Variants in ATP1B1 observed in about 807,000 individuals in gnomAD.
ATP1B1 encodes the protein ATPase Na+/K+ transporting subunit beta 1.
In ATP1B1, 3 loss-of-function variants were observed where a neutral mutation model predicts 39.6. The observed-to-expected ratio is 0.08, with a 90% CI of 0.03 to 0.20. The LOEUF (loss-of-function observed/expected upper bound fraction) is 0.20. Among genes scored for constraint, ATP1B1 ranks in the 10% least tolerant of loss-of-function variants. The pLI, the probability that ATP1B1 is intolerant of heterozygous loss-of-function variation, is 1.00. For synonymous variants in ATP1B1, 139 were observed against 135.0 expected, an observed-to-expected ratio of 1.03 and a Z score of -0.20; for missense variants, 216 against 371.1, an observed-to-expected ratio of 0.58 and a Z score of 3.43.
Position 169,106,730 on chromosome 1 carries a change from G to A in ATP1B1, c.-100G>A, listed in dbSNP as rs1190953730. 1.1e-6 allele frequency: 1 copy of A among 943,986 alleles called. No individual in the cohort carries two copies. Among genetic ancestry groups the A allele is most frequent in the Non-Finnish European group, 1.5e-6 (1 of 665,746 alleles). The allele number at this position is 943,986 out of a possible 1,614,324, so 58.5% of individuals were successfully genotyped here. ...GCGGCAGCGGCGCGTCCTGCCTGCA[G>A]AGAGCCAGGCCGGAGAAGCCGAGCG... On this transcript the variant is annotated 5_prime_UTR_variant, in exon 1 of 6. Coordinates refer to ENST00000367815, the MANE Select transcript of ATP1B1 (RefSeq NM_001677.4).
chr1:169,106,969 T>G (rs1300994006), intron 1 of ATP1B1, 43 bp downstream of exon 1: 6 of 1,529,962 alleles, frequency 3.9e-6, no homozygotes, highest in Non-Finnish European at 5.3e-6. Flanking sequence ...CGTCTGATCT[T>G]TCCCGGGCGG....
At chr1:169,117,762 T>C (rs1170526462) in intron 2 of ATP1B1, among the ~76,000 whole-genome samples, 2 of 152,258 alleles carry the variant, frequency 1.3e-5, no homozygotes, top group South Asian at 2.1e-4. Context: ...AGTAATCTGA[T>C]GACCAGCTGG....
rs1658054534 is a variant in ATP1B1, at chr1:169,124,864, T to G, written c.227-20T>G. 3.1e-6 allele frequency: 5 copies of G among 1,607,602 alleles called. No homozygotes were observed. The highest frequency in any genetic ancestry group is 2.7e-5 in the African/African-American group (2 of 74,514). On this transcript the variant is annotated intron_variant, in intron 2 of 5. Transcript: ENST00000367815. The stretch of plus-strand genomic sequence containing the variant: ...TCGTTTCTGCCTTCCTACTAATGTT[T>G]TTCTCTCTGCCTGGTCTAGGATTAA...
chr1:169,106,955 G>T (rs534114378), intron 1 of ATP1B1, 29 bp downstream of exon 1: 7 of 1,551,064 alleles, frequency 4.5e-6, no homozygotes, highest in South Asian at 1.2e-5. Flanking sequence ...GCTCCCGGCC[G>T]CCGCGTCTGA....
Position 169,131,225 on chromosome 1 carries a change from T to G in ATP1B1, c.649-67T>G, listed in dbSNP as rs1658212809. 9 of 1,507,572 alleles carry G rather than the reference T, an allele frequency of 6.0e-6. No homozygotes were observed. The highest frequency in any genetic ancestry group is 3.8e-5 in the Admixed American group (2 of 52,830). 93.4% of individuals were successfully genotyped at this position (1,507,572 alleles called of 1,614,324 possible). On this transcript the variant is annotated intron_variant, in intron 5 of 5. Coordinates refer to ENST00000367815, the MANE Select transcript of ATP1B1 (RefSeq NM_001677.4). The surrounding 1 kb of genome is among the most constrained non-coding windows in gnomAD (Gnocchi z 4.4). Reference sequence around the variant, plus strand: ...GCAAACTACTGTGTAGATTGAGTCTTGTTTTTGAGTACACATAGTGATGCA... The same window carrying G: ...GCAAACTACTGTGTAGATTGAGTCTGGTTTTTGAGTACACATAGTGATGCA...
chr1:169,110,252 C>G (rs12081155), intron 1 of ATP1B1, among the ~76,000 whole-genome samples: 3,870 of 152,194 alleles, frequency 0.025, 135 homozygotes, highest in African/African-American at 0.084. Context: ...CCCTCCCTGG[C>G]CCCCTCCTAC....
chr1:169,109,766 A>T (rs2900950), intron 1 of ATP1B1, among the ~76,000 whole-genome samples: 30,000 of 140,990 alleles, frequency 0.21, 4,239 homozygotes, highest in African/African-American at 0.42. Flanking sequence ...GAGCACCAAG[A>T]TGAGGTGGGG....
At chr1:169,118,828 A>T (rs1657912429) in intron 2 of ATP1B1, among the ~76,000 whole-genome samples, 1 of 152,234 alleles carries the variant, frequency 6.6e-6, no homozygotes, top group South Asian at 2.1e-4. Flanking sequence ...CTTCTCAGTC[A>T]TATGGGTACC....
chr1:169,130,304 G>A (rs1658181413), intron 5 of ATP1B1, among the ~76,000 whole-genome samples: 1 of 152,182 alleles, frequency 6.6e-6, no homozygotes, highest in African/African-American at 2.4e-5. Flanking sequence ...ACTGATGTCA[G>A]TTTCTCCACT....
At chr1:169,128,508 G>T (rs955689310) in intron 4 of ATP1B1, among the ~76,000 whole-genome samples, 1 of 152,188 alleles carries the variant, frequency 6.6e-6, no homozygotes, top group Non-Finnish European at 1.5e-5. Context: ...TTGCCTGGCT[G>T]GCTAGTTTGA....
Position 169,127,075 on chromosome 1 carries a change from C to A in ATP1B1, c.383-149C>A, listed in dbSNP as rs368561907. On this transcript the variant is annotated intron_variant, in intron 3 of 5. Coordinates refer to ENST00000367815, the MANE Select transcript of ATP1B1 (RefSeq NM_001677.4). The stretch of plus-strand genomic sequence containing the variant: ...AGTGAAGAGGTGAGAGATGGTTTTC[C>A]TGGAGATCTTGCTTAATTCAGATCA... The A allele has an allele frequency of 3.1e-5, 25 of 818,390 alleles. No individual in the cohort carries two copies. In the African/African-American group the frequency reaches 4.2e-4, roughly 14 times the overall value. 50.7% of individuals were successfully genotyped at this position (818,390 alleles called of 1,614,324 possible).
chr1:169,108,677 T>G (rs1657660056), intron 1 of ATP1B1, among the ~76,000 whole-genome samples: 2 of 152,332 alleles, frequency 1.3e-5, no homozygotes, highest in African/African-American at 2.4e-5. Context: ...TAAGCCGACA[T>G]TTAATGGGCA....
intron 3 of ATP1B1, among the ~76,000 whole-genome samples, chr1:169,126,296 T>C (rs1033872501): frequency 4.6e-5 from 7 of 152,138 alleles, no homozygotes; most frequent in African/African-American, 1.4e-4. Context: ...TCTTCGCTAT[T>C]TGAAGGGAAA....
chr1:169,106,950 C>T (rs751470349), intron 1 of ATP1B1, 24 bp downstream of exon 1: 6 of 1,556,980 alleles, frequency 3.9e-6, no homozygotes, highest in Non-Finnish European at 5.2e-6. Context: ...CCGCAGCTCC[C>T]GGCCGCCGCG....
At chr1:169,121,260 A>G (rs1435348440) in intron 2 of ATP1B1, among the ~76,000 whole-genome samples, 1 of 152,158 alleles carries the variant, frequency 6.6e-6, no homozygotes, top group Non-Finnish European at 1.5e-5. Context: ...TTCCTAGATG[A>G]TTAACAACAG....
chr1:169,123,785 C>T (rs1337638908), intron 2 of ATP1B1, among the ~76,000 whole-genome samples: 1 of 151,956 alleles, frequency 6.6e-6, no homozygotes, highest in Non-Finnish European at 1.5e-5. Flanking sequence ...TGTCACCATG[C>T]CTGGCTAATT....
At chr1:169,121,264 A>G (rs924431019) in intron 2 of ATP1B1, among the ~76,000 whole-genome samples, 2 of 152,146 alleles carry the variant, frequency 1.3e-5, no homozygotes, top group African/African-American at 4.8e-5. Context: ...TAGATGATTA[A>G]CAACAGAGGC....
chr1:169,106,788 A>G lies in ATP1B1; in HGVS notation c.-42A>G, dbSNP rs1187072075. ...GGACGCCAGGGCGCGCGCCGCAGCC[A>G]CCCACCCTCCGGACCGCGGCAGCTG... On this transcript the variant is annotated 5_prime_UTR_variant, in exon 1 of 6. Transcript: ENST00000367815. 2.6e-6 allele frequency: 4 copies of G among 1,524,828 alleles called. No individual in the cohort carries two copies. The highest frequency in any genetic ancestry group is 3.5e-6 in the Non-Finnish European group (4 of 1,128,716). 94.5% of individuals were successfully genotyped at this position (1,524,828 alleles called of 1,614,324 possible). A position where few individuals can be genotyped will look rare whatever the true frequency, so the allele number is the denominator to read the frequency against.
Position 169,131,791 on chromosome 1 carries a change from C to A in ATP1B1, c.*236C>A. 1.9e-6 allele frequency: 1 copy of A among 527,032 alleles called. No individual in the cohort carries two copies. Among genetic ancestry groups the A allele is most frequent in the Non-Finnish European group, 3.2e-6 (1 of 309,762 alleles). The allele number at this position is 527,032 out of a possible 1,614,324, so 32.6% of individuals were successfully genotyped here. A position where few individuals can be genotyped will look rare whatever the true frequency, so the allele number is the denominator to read the frequency against. ...GAAAAAGAAAAATTGAGCCTTGGGA[C>A]GTGCCCATTTTTACTGTAAATTATG... is the stretch of plus-strand genomic sequence containing the variant. On this transcript the variant is annotated 3_prime_UTR_variant, in exon 6 of 6. Transcript: ENST00000367815. This position sits in a 1 kb window ranked among gnomAD's most constrained non-coding sequence, Gnocchi z 4.4.
Sources: allele counts gnomAD v4.1 joint callset (sites outside exome capture counted in the v4.1 genomes callset), GRCh38; gene constraint gnomAD v4.1.1; non-coding constraint Gnocchi (gnomAD v3.1); transcripts MANE v1.5; gene names NCBI Gene and HGNC (gene_info 2026-07-23, HGNC 2026-07-21).